The following GRM1 variants were observed in gnomAD, a reference collection of about 807,000 sequenced individuals.
GRM1 encodes glutamate metabotropic receptor 1.
Under a neutral mutation model 90.9 loss-of-function variants are expected in GRM1, and 33 were observed. That is an observed-to-expected ratio of 0.36 (90% confidence interval 0.28 to 0.49). The LOEUF (loss-of-function observed/expected upper bound fraction) is 0.49, where lower values mean the gene tolerates loss of function less well. Ranked by LOEUF, GRM1 falls within the 20% of genes least tolerant of loss-of-function variation. The probability of loss-of-function intolerance (pLI) is 0.99; values close to 1 mark genes in which losing one functional copy is unlikely to be tolerated. For missense variants in GRM1, 1,190 were observed against 1,534.3 expected, an observed-to-expected ratio of 0.78 and a Z score of 3.75; for synonymous variants, 700 against 613.2, an observed-to-expected ratio of 1.14 and a Z score of -2.09.
At chr6:146,062,879 T>A (rs1775722811) in intron 1 of GRM1, among the ~76,000 whole-genome samples, 2 of 152,232 alleles carry the variant, frequency 1.3e-5, no homozygotes, top group Non-Finnish European at 2.9e-5. Flanking sequence ...ATTTATTTTA[T>A]ATTTCTTCAA....
intron 2 of GRM1, among the ~76,000 whole-genome samples, chr6:146,287,432 C>A (rs1156848157): frequency 1.3e-5 from 2 of 152,128 alleles, no homozygotes; most frequent in Non-Finnish European, 1.5e-5. Flanking sequence ...AGTTTCATTT[C>A]TTAAACTAAT....
chr6:146,367,465 A>C (rs932554431), intron 5 of GRM1, among the ~76,000 whole-genome samples: 1 of 151,784 alleles, frequency 6.6e-6, no homozygotes, highest in African/African-American at 2.4e-5. Context: ...CAGAGGGTAC[A>C]GTTTTTTACA....
intron 3 of GRM1, among the ~76,000 whole-genome samples, chr6:146,321,047 C>A (rs565806043): frequency 6.6e-6 from 1 of 152,118 alleles, no homozygotes; most frequent in African/African-American, 2.4e-5. Context: ...TTCTCTAGTT[C>A]TTTTAATTGT....
At chr6:146,311,904 A>G (rs887909355) in intron 3 of GRM1, among the ~76,000 whole-genome samples, 4 of 152,168 alleles carry the variant, frequency 2.6e-5, no homozygotes, top group African/African-American at 9.7e-5. Context: ...AGGTGATTGA[A>G]ATTTATACTT....
chr6:146,320,357 T>A (rs1784130271), intron 3 of GRM1, among the ~76,000 whole-genome samples: 1 of 152,210 alleles, frequency 6.6e-6, no homozygotes, highest in African/African-American at 2.4e-5. Context: ...GCTGCTGGAT[T>A]CAGTTTGCCA....
intron 1 of GRM1, among the ~76,000 whole-genome samples, chr6:146,154,586 T>C (rs1296120332): frequency 6.6e-6 from 1 of 152,190 alleles, no homozygotes; most frequent in Non-Finnish European, 1.5e-5. Flanking sequence ...CATTTAATGT[T>C]ATGAAAAAGG....
chr6:146,268,963 T>G (rs1048378660), intron 2 of GRM1, among the ~76,000 whole-genome samples: 3 of 152,318 alleles, frequency 2.0e-5, no homozygotes, highest in African/African-American at 7.2e-5. Context: ...AGCCAACTGA[T>G]TTTTGACAAA....
chr6:146,246,667 G>A (rs1374173467), intron 2 of GRM1, among the ~76,000 whole-genome samples: 1 of 152,146 alleles, frequency 6.6e-6, no homozygotes, highest in Non-Finnish European at 1.5e-5. Context: ...AAAATGCAAT[G>A]CAATAAAACA....
At chr6:146,328,010 C>T (rs1161451437) in intron 3 of GRM1, among the ~76,000 whole-genome samples, 2 of 152,100 alleles carry the variant, frequency 1.3e-5, no homozygotes, top group African/African-American at 2.4e-5. Flanking sequence ...AGGATAGCTG[C>T]CTGCTCTGTT....
intron 5 of GRM1, among the ~76,000 whole-genome samples, chr6:146,373,692 T>C (rs1484942514): frequency 6.6e-6 from 1 of 152,208 alleles, no homozygotes; most frequent in Non-Finnish European, 1.5e-5. Context: ...GAAATGCTAC[T>C]GATTTTTGTA....
intron 2 of GRM1, among the ~76,000 whole-genome samples, chr6:146,204,121 T>G (rs913121222): frequency 1.2e-4 from 19 of 152,198 alleles, no homozygotes; most frequent in African/African-American, 3.6e-4. Context: ...CAGCCAGTCT[T>G]CTCTCTAGCT....
At chr6:146,031,162 C>G (rs1444992675) in intron 1 of GRM1, among the ~76,000 whole-genome samples, 1 of 152,160 alleles carries the variant, frequency 6.6e-6, no homozygotes, top group Non-Finnish European at 1.5e-5. Flanking sequence ...AGACTCTCTT[C>G]ACCTTAGGTT....
At chr6:146,031,261 T>C (rs1562415409) in intron 1 of GRM1, among the ~76,000 whole-genome samples, 2 of 152,190 alleles carry the variant, frequency 1.3e-5, no homozygotes, top group Non-Finnish European at 2.9e-5. Context: ...GCCCTGGTTA[T>C]AAATTAACAT....
chr6:146,227,616 A>G (rs1298728144), intron 2 of GRM1, among the ~76,000 whole-genome samples: 1 of 152,220 alleles, frequency 6.6e-6, no homozygotes, highest in Non-Finnish European at 1.5e-5. Context: ...TGAATGCTTA[A>G]TATGCTACTA....
At chr6:146,222,837 G>T (rs541532583) in intron 2 of GRM1, among the ~76,000 whole-genome samples, 1 of 152,212 alleles carries the variant, frequency 6.6e-6, no homozygotes, top group African/African-American at 2.4e-5. Flanking sequence ...TAATTGGAAG[G>T]TCTGGTTACT....
At chr6:146,107,133 C>T (rs746586651) in intron 1 of GRM1, among the ~76,000 whole-genome samples, 11 of 152,082 alleles carry the variant, frequency 7.2e-5, no homozygotes, top group Admixed American at 2.0e-4. Flanking sequence ...AGCAGGAAGA[C>T]GGCCTTCTAT....
chr6:146,385,072 G>T (rs1776453946), intron 5 of GRM1, among the ~76,000 whole-genome samples: 1 of 152,020 alleles, frequency 6.6e-6, no homozygotes, highest in Non-Finnish European at 1.5e-5. Flanking sequence ...AGTGAAGCAG[G>T]TCAGAAGAAA....
intron 2 of GRM1, among the ~76,000 whole-genome samples, chr6:146,231,218 G>C (rs1361756094): frequency 1.3e-5 from 2 of 152,120 alleles, no homozygotes; most frequent in African/African-American, 2.4e-5. Flanking sequence ...CCACTCTGGT[G>C]CGTGATGTTA....
intron 1 of GRM1, among the ~76,000 whole-genome samples, chr6:146,096,711 C>T (rs1417105963): frequency 6.6e-6 from 1 of 152,086 alleles, no homozygotes; most frequent in East Asian, 1.9e-4. Context: ...GGTGCTAATT[C>T]TTAGGAAGAT....
Sources: gnomAD v4.1 joint callset for allele counts (sites outside exome capture counted in the v4.1 genomes callset) on GRCh38, gnomAD v4.1.1 for gene constraint, MANE v1.5 for transcripts, NCBI Gene and HGNC (gene_info 2026-07-23, HGNC 2026-07-21) for gene names.